HOXA3: variants seen among roughly 807,000 people sequenced by gnomAD.
HOXA3 encodes homeobox protein Hox-A3.
HOXA3 carries 8 observed loss-of-function variants against 30.3 expected under a neutral mutation model. The observed-to-expected ratio is 0.26, with a 90% CI of 0.15 to 0.48. HOXA3 has a LOEUF of 0.48. HOXA3 is among the 20% of genes least tolerant of loss of function. HOXA3 has a pLI of 0.99. For missense variants in HOXA3, 653 were observed against 614.4 expected, an observed-to-expected ratio of 1.06 and a Z score of -0.66; for synonymous variants, 323 against 273.1, an observed-to-expected ratio of 1.18 and a Z score of -1.80.
intron 4 of HOXA3, among the ~76,000 whole-genome samples, chr7:27,118,287 G>A (rs866343691): frequency 7.2e-5 from 11 of 152,240 alleles, no homozygotes; most frequent in African/African-American, 2.7e-4. Flanking sequence ...GGAGGTGGGT[G>A]CGTGGGGGTT....
intron 3 of HOXA3, among the ~76,000 whole-genome samples, chr7:27,125,102 G>C (rs1218953566): frequency 6.6e-6 from 1 of 152,224 alleles, no homozygotes; most frequent in East Asian, 1.9e-4. Context: ...TCCAGGTCAA[G>C]TGTAAGCTTA....
chr7:27,117,243 G>A (rs2128046082), intron 4 of HOXA3, among the ~76,000 whole-genome samples: 1 of 152,296 alleles, frequency 6.6e-6, no homozygotes, highest in East Asian at 1.9e-4. Context: ...TGCTTCCTGA[G>A]GACTCTTGTC....
intron 1 of HOXA3, chr7:27,147,385 G>A (rs1174205325): frequency 6.2e-7 from 1 of 1,614,088 alleles, no homozygotes; most frequent in Non-Finnish European, 8.5e-7. Context: ...GTCATGGAGT[G>A]CTTTGCCCTG....
intron 3 of HOXA3, chr7:27,124,121 G>C (rs1459378431): frequency 6.6e-6 from 1 of 152,208 alleles, no homozygotes; most frequent in African/African-American, 2.4e-5. Context: ...TAATATTCAT[G>C]GCTGCTGTAC....
At chr7:27,144,423 C>T (rs960382875) in intron 1 of HOXA3, among the ~76,000 whole-genome samples, 1 of 152,246 alleles carries the variant, frequency 6.6e-6, no homozygotes, top group Non-Finnish European at 1.5e-5. Context: ...AGGTCAAATT[C>T]CATACACTTT....
At chr7:27,128,980 A>G in intron 2 of HOXA3, 1 of 574,058 alleles carries the variant, frequency 1.7e-6, no homozygotes, top group South Asian at 2.1e-5. Flanking sequence ...CACACCTGGC[A>G]GCCTTGTTTC....
chr7:27,139,922 G>T (rs1316333491), intron 2 of HOXA3, among the ~76,000 whole-genome samples, 161 bp downstream of exon 2: 1 of 152,050 alleles, frequency 6.6e-6, no homozygotes, highest in Non-Finnish European at 1.5e-5. Context: ...CGCAGAGTTG[G>T]CTCCTGGCGC....
At chr7:27,134,570 A>G (rs1161295771) in intron 2 of HOXA3, among the ~76,000 whole-genome samples, 1 of 152,248 alleles carries the variant, frequency 6.6e-6, no homozygotes, top group Non-Finnish European at 1.5e-5. Context: ...TTGTTGACTC[A>G]TCGAGGGGTT....
chr7:27,107,666 G>T lies in HOXA3; in HGVS notation c.*249C>A, dbSNP rs1295150492. On this transcript the variant is annotated 3_prime_UTR_variant, in exon 6 of 6. Coordinates refer to ENST00000612286, the MANE Select transcript of HOXA3 (RefSeq NM_153631.3). ...AAGGGTGCAGGGCCAGTGGCCTATCGAGGAGCAGGAAGAGATAAATATCGC... is the reference window on the plus strand; with the variant it reads ...AAGGGTGCAGGGCCAGTGGCCTATCTAGGAGCAGGAAGAGATAAATATCGC... The T allele has an allele frequency of 7.5e-6, 3 of 400,910 alleles. No homozygotes were observed. The highest frequency in any genetic ancestry group is 8.2e-5 in the Admixed American group (2 of 24,378). The allele number at this position is 400,910 out of a possible 1,614,324, so 24.8% of individuals were successfully genotyped here.
chr7:27,130,062 C>T, intron 2 of HOXA3: 1 of 1,528,072 alleles, frequency 6.5e-7, no homozygotes, highest in Admixed American at 1.9e-5. Context: ...CCCCGACCCT[C>T]GAACCCAGGC....
At position 27,145,618 on chromosome 7, in the gene HOXA3, G is replaced by A. The variant is rs746724245; in HGVS notation, c.-493-5432C>T. ...CAGGCGAGGGCAAGGGGGCAAAGCC[G>A]AAGGAGGTTGCAGCGCTGGCCTGGT... On this transcript the variant is annotated intron_variant, in intron 1 of 5. Coordinates refer to ENST00000612286, the MANE Select transcript of HOXA3 (RefSeq NM_153631.3). 2.1e-5 allele frequency: 34 copies of A among 1,590,278 alleles called. 1 individual carries two copies. Among genetic ancestry groups the A allele is most frequent in the Admixed American group, 1.5e-4 (9 of 58,838 alleles).
intron 2 of HOXA3, among the ~76,000 whole-genome samples, chr7:27,135,406 TG>T (rs1400685629): frequency 6.6e-6 from 1 of 152,178 alleles, no homozygotes; most frequent in Non-Finnish European, 1.5e-5. Flanking sequence ...AACATTTTCA[TG>T]GCACCAGTAA....
rs1358415269 is a variant in HOXA3 at position 27,143,461 on chromosome 7, G to A, written c.-493-3275C>T. The A allele has an allele frequency of 4.3e-6, 7 of 1,613,732 alleles. No homozygotes were observed. The African/African-American group carries it at 9.3e-5, about 22-fold the overall frequency. ...GGCCGACGCTGAGATCCATGCCATT[G>A]TAGCCGTAGCCGTACCTGCCGGAGT... On this transcript the variant is annotated intron_variant, in intron 1 of 5. Coordinates refer to ENST00000612286, the MANE Select transcript of HOXA3 (RefSeq NM_153631.3).
At chr7:27,127,447 C>G (rs1371942873) in intron 2 of HOXA3, among the ~76,000 whole-genome samples, 2 of 152,200 alleles carry the variant, frequency 1.3e-5, no homozygotes, top group Non-Finnish European at 2.9e-5. Flanking sequence ...CTGACACTGG[C>G]TAAAGGGTTT....
chr7:27,121,106 A>G (rs751919151), intron 4 of HOXA3: 1 of 152,190 alleles, frequency 6.6e-6, no homozygotes, highest in African/African-American at 2.4e-5. Context: ...TCTGTACTCA[A>G]ACACTGCAAT....
Position 27,108,749 on chromosome 7 carries a change from G to T in HOXA3, c.527-29C>A, listed in dbSNP as rs1292066056. The stretch of plus-strand genomic sequence containing the variant: ...CGAGGACAGAGAGAGGAAGAGCGGC[G>T]TCAGGGGCTGCCGCGGCCCCGCCCA... On this transcript the variant is annotated intron_variant, in intron 5 of 5. Coordinates refer to ENST00000612286, the MANE Select transcript of HOXA3 (RefSeq NM_153631.3). The surrounding 1 kb of genome is among the most constrained non-coding windows in gnomAD (Gnocchi z 5.0). The T allele has an allele frequency of 2.0e-6, 3 of 1,533,952 alleles. No individual in the cohort carries two copies. The highest frequency in any genetic ancestry group is 2.6e-6 in the Non-Finnish European group (3 of 1,137,692).
chr7:27,118,033 GAAAC>G (rs1343786684), intron 4 of HOXA3, among the ~76,000 whole-genome samples: 3 of 152,178 alleles, frequency 2.0e-5, no homozygotes, highest in African/African-American at 7.2e-5. Flanking sequence ...TTCTAAAAGA[GAAAC>G]AAAGGAAGAG....
In HOXA3 at chr7:27,108,270, T is replaced by C. The variant is rs1203455918; in HGVS notation, c.977A>G (p.Gln326Arg). ...CGCCCCTGCCGCCGTGTAGCGCTTCTGTGGGGGTGGCGGGGGTGCGCAGCT... is the reference window on the plus strand; with the variant it reads ...CGCCCCTGCCGCCGTGTAGCGCTTCCGTGGGGGTGGCGGGGGTGCGCAGCT... ...LPSCAPPPPP[Q>R]KRYTAAGAGA... Residue 326 changes from glutamine (Q) to arginine (R), a missense_variant, in exon 6 of 6, where the codon CAG (glutamine) becomes CGG (arginine). Transcript: ENST00000612286. The surrounding 1 kb of genome is among the most constrained non-coding windows in gnomAD (Gnocchi z 5.0). 4 of 1,518,008 alleles carry C rather than the reference T, an allele frequency of 2.6e-6. No homozygotes were observed. Among genetic ancestry groups the C allele is most frequent in the Non-Finnish European group, 3.5e-6 (4 of 1,133,376 alleles). The allele number at this position is 1,518,008 out of a possible 1,614,324, so 94.0% of individuals were successfully genotyped here.
chr7:27,144,249 G>A lies in HOXA3; in HGVS notation c.-493-4063C>T, dbSNP rs571310947. 2.0e-5 allele frequency among the ~76,000 whole-genome samples: 3 copies of A among 152,300 alleles called. No individual in the cohort carries two copies. The East Asian group carries it at 5.8e-4, about 29-fold the overall frequency. On this transcript the variant is annotated intron_variant, in intron 1 of 5. Transcript: ENST00000612286. The stretch of plus-strand genomic sequence containing the variant: ...AAATACAGATATCACCTTCGGGGAA[G>A]GGGGAAAGCCATTTAGCCAATTGGA...
Sources: allele counts gnomAD v4.1 joint callset (sites outside exome capture counted in the v4.1 genomes callset), GRCh38; gene constraint gnomAD v4.1.1; non-coding constraint Gnocchi (gnomAD v3.1); transcripts MANE v1.5; gene names NCBI Gene and HGNC (gene_info 2026-07-23, HGNC 2026-07-21).